VSTM2L: variants seen among roughly 807,000 people sequenced by gnomAD.
VSTM2L encodes the protein V-set and transmembrane domain-containing protein 2-like protein.
A neutral mutation model predicts 19.9 loss-of-function variants in VSTM2L; 9 were observed. The observed-to-expected ratio is 0.45, with a 90% CI of 0.27 to 0.79. The LOEUF (loss-of-function observed/expected upper bound fraction) is 0.79, where lower values mean the gene tolerates loss of function less well. Ranked by LOEUF, VSTM2L falls within the 30% of genes least tolerant of loss-of-function variation. The pLI, the probability that VSTM2L is intolerant of heterozygous loss-of-function variation, is 0.15. For synonymous variants in VSTM2L, 127 were observed against 133.8 expected (o/e 0.95, Z 0.35); for missense variants, 286 against 295.5 (o/e 0.97, Z 0.24).
At chr20:37,922,906 C>A (rs112909696) in intron 1 of VSTM2L, among the ~76,000 whole-genome samples, 3 of 151,202 alleles carry the variant, frequency 2.0e-5, no homozygotes, top group Admixed American at 6.6e-5. Flanking sequence ...AGGGCCCACG[C>A]GTGAGTAAAA....
At chr20:37,903,614 G>C in intron 1 of VSTM2L, 143 bp downstream of exon 1, 1 of 1,244,052 alleles carries the variant, frequency 8.0e-7, no homozygotes. Flanking sequence ...CGGTGGACCC[G>C]CCCTGGCACC....
chr20:37,938,959 C>T (rs765518299), intron 3 of VSTM2L, among the ~76,000 whole-genome samples: 6 of 152,028 alleles, frequency 3.9e-5, no homozygotes, highest in African/African-American at 4.8e-5. Flanking sequence ...ATGAGAAGAC[C>T]GATCTGTAGT....
In VSTM2L at chr20:37,939,314, G is replaced by T. The variant is rs570500133; in HGVS notation, c.343-4667G>T. Among the ~76,000 whole-genome samples, 6 of 151,806 alleles carry T rather than the reference G, an allele frequency of 4.0e-5. No homozygotes were observed. In the East Asian group the frequency reaches 1.2e-3, roughly 29 times the overall value. On this transcript the variant is annotated intron_variant, in intron 3 of 3. Transcript: ENST00000373461. ...ACAGCTACTCAGGAGGTCGGAGGGGGTGCTGAAGCGGGAGGATTGCTTGAG... is the reference window on the plus strand; with the variant it reads ...ACAGCTACTCAGGAGGTCGGAGGGGTTGCTGAAGCGGGAGGATTGCTTGAG...
chr20:37,909,369 C>T (rs2072767499), intron 1 of VSTM2L, among the ~76,000 whole-genome samples: 1 of 152,072 alleles, frequency 6.6e-6, no homozygotes, highest in Non-Finnish European at 1.5e-5. Context: ...CTCTCTCAGT[C>T]CTGAAAGGAG....
intron 1 of VSTM2L, among the ~76,000 whole-genome samples, chr20:37,905,704 C>T (rs1023235702): frequency 1.3e-5 from 2 of 152,198 alleles, no homozygotes; most frequent in African/African-American, 2.4e-5. Flanking sequence ...CCCGACATTG[C>T]CAGGTTCAAA....
intron 1 of VSTM2L, among the ~76,000 whole-genome samples, chr20:37,909,570 A>T (rs1471406552): frequency 1.3e-5 from 2 of 152,318 alleles, no homozygotes; most frequent in East Asian, 3.9e-4. Context: ...AATGATTTTA[A>T]TTTCTTAAGG....
chr20:37,907,598 G>C (rs976404769), intron 1 of VSTM2L, among the ~76,000 whole-genome samples: 2 of 151,862 alleles, frequency 1.3e-5, no homozygotes, highest in African/African-American at 4.8e-5. Flanking sequence ...TCCCTGAGAG[G>C]AGCTCCAAGA....
intron 1 of VSTM2L, 93 bp downstream of exon 1, chr20:37,903,564 G>A (rs1034415231): frequency 1.3e-5 from 17 of 1,314,960 alleles, no homozygotes; most frequent in Non-Finnish European, 1.5e-5. Context: ...TCGAACCGGC[G>A]CCAGTCGTGG....
intron 1 of VSTM2L, among the ~76,000 whole-genome samples, chr20:37,914,149 G>C (rs936154140): frequency 1.3e-5 from 2 of 151,606 alleles, no homozygotes; most frequent in African/African-American, 4.8e-5. Flanking sequence ...GTGTGTGTGC[G>C]TGTGTGTATG....
At chr20:37,930,656 C>T (rs1209580310) in intron 1 of VSTM2L, among the ~76,000 whole-genome samples, 1 of 151,776 alleles carries the variant, frequency 6.6e-6, no homozygotes, top group East Asian at 1.9e-4. Context: ...TCTCATTTAC[C>T]TGGTGGGATG....
intron 3 of VSTM2L, among the ~76,000 whole-genome samples, chr20:37,938,111 G>A (rs2072950737): frequency 9.0e-6 from 1 of 111,310 alleles, no homozygotes; most frequent in Non-Finnish European, 1.9e-5. Context: ...AGGAGGCTGG[G>A]GTGATGGCCT....
chr20:37,942,041 G>GAAA, intron 3 of VSTM2L, among the ~76,000 whole-genome samples: 1 of 151,718 alleles, frequency 6.6e-6, no homozygotes, highest in South Asian at 2.1e-4. Flanking sequence ...TTTTTTAATT[G>GAAA]AAAAAACACC....
intron 3 of VSTM2L, among the ~76,000 whole-genome samples, chr20:37,938,677 G>A (rs547965669): frequency 1.9e-4 from 29 of 152,370 alleles, no homozygotes; most frequent in African/African-American, 7.0e-4. Context: ...GCGTAACTAG[G>A]TGCTTAATTG....
intron 3 of VSTM2L, 107 bp from the exon 4 acceptor site, chr20:37,943,874 T>G: frequency 1.6e-6 from 2 of 1,254,234 alleles, no homozygotes; most frequent in Admixed American, 5.8e-5. Flanking sequence ...GTGGGAGTGT[T>G]TCTGGGGCTC....
intron 3 of VSTM2L, among the ~76,000 whole-genome samples, chr20:37,940,309 C>G (rs1240554503): frequency 6.6e-6 from 1 of 152,234 alleles, no homozygotes; most frequent in Non-Finnish European, 1.5e-5. Flanking sequence ...GGCACCCCCA[C>G]AGCCAGAGGG....
intron 3 of VSTM2L, among the ~76,000 whole-genome samples, chr20:37,939,805 A>G (rs1284006707): frequency 6.6e-6 from 1 of 152,220 alleles, no homozygotes; most frequent in African/African-American, 2.4e-5. Context: ...AATTTAGCCC[A>G]AGAAAACCGA....
Position 37,931,941 on chromosome 20 carries a change from C to T in VSTM2L, c.291+137C>T, listed in dbSNP as rs2072912913. 3 of 1,068,116 alleles carry T rather than the reference C, an allele frequency of 2.8e-6. No homozygotes were observed. The East Asian group carries it at 7.9e-5, about 28-fold the overall frequency. The allele number at this position is 1,068,116 out of a possible 1,614,324, so 66.2% of individuals were successfully genotyped here. A position where few individuals can be genotyped will look rare whatever the true frequency, so the allele number is the denominator to read the frequency against. On this transcript the variant is annotated intron_variant, in intron 2 of 3. Coordinates refer to ENST00000373461, the MANE Select transcript of VSTM2L (RefSeq NM_080607.3). ...CTCCACACCACACAGCTGTCTCCCT[C>T]CCTTCTTCCTCCTGGGGTGGGGGTT...
intron 1 of VSTM2L, among the ~76,000 whole-genome samples, chr20:37,917,304 G>A (rs6021852): frequency 6.6e-6 from 1 of 151,536 alleles, no homozygotes; most frequent in Admixed American, 6.6e-5. Flanking sequence ...GACGGTGTGA[G>A]ACTCTGTCTC....
intron 1 of VSTM2L, among the ~76,000 whole-genome samples, chr20:37,922,577 C>T (rs866932636): frequency 6.6e-6 from 1 of 152,186 alleles, no homozygotes; most frequent in Non-Finnish European, 1.5e-5. Context: ...CCACCAGTCC[C>T]CAAGGGGAGT....
Sources: allele counts gnomAD v4.1 joint callset (sites outside exome capture counted in the v4.1 genomes callset), GRCh38; gene constraint gnomAD v4.1.1; transcripts MANE v1.5; gene names NCBI Gene and HGNC (gene_info 2026-07-23, HGNC 2026-07-21).